The following FAM120C variants were observed in gnomAD, a reference collection of about 807,000 sequenced individuals.
FAM120C encodes constitutive coactivator of PPAR-gamma-like protein 2.
Under a neutral mutation model 71.2 loss-of-function variants are expected in FAM120C, and 14 were observed. The ratio of observed to expected loss-of-function variants is 0.20; its 90% CI spans 0.13 to 0.31. The LOEUF is 0.31. Among genes scored for constraint, FAM120C ranks in the 10% least tolerant of loss-of-function variants. FAM120C has a pLI of 1.00. For missense variants in FAM120C, 500 were observed against 879.0 expected (o/e 0.57, Z 5.45); for synonymous variants, 354 against 353.2 (o/e 1.00, Z -0.03).
chrX:54,104,976 C>T (rs972616921), intron 10 of FAM120C, among the ~76,000 whole-genome samples: 4 of 111,301 alleles, frequency 3.6e-5, no homozygotes, highest in Admixed American at 1.9e-4. Context: ...TTCTATCAGA[C>T]GTACAAAGAG....
At position 54,072,284 on chromosome X, in the gene FAM120C, T is replaced by C. The variant is rs2066714444; in HGVS notation, c.*749A>G. On this transcript the variant is annotated 3_prime_UTR_variant, in exon 16 of 16. Coordinates refer to ENST00000375180, the MANE Select transcript of FAM120C (RefSeq NM_017848.6). Reference sequence around the variant, plus strand: ...TGTGGGCAATAGGGAGTGAATGAACTGTGCCACATCTTCTATTTTACAAAC... The same window carrying C: ...TGTGGGCAATAGGGAGTGAATGAACCGTGCCACATCTTCTATTTTACAAAC... 2 of 108,624 alleles carry C rather than the reference T, an allele frequency of 1.8e-5. No individual in the cohort carries two copies. The highest frequency in any genetic ancestry group is 3.8e-5 in the Non-Finnish European group (2 of 52,379). 9.0% of individuals were successfully genotyped at this position (108,624 alleles called of 1,213,427 possible). A position where few individuals can be genotyped will look rare whatever the true frequency, so the allele number is the denominator to read the frequency against.
rs1478768166 is a variant in FAM120C, at chrX:54,146,459, T to C, written c.1158+4786A>G. On this transcript the variant is annotated intron_variant, in intron 4 of 15. Transcript: ENST00000375180. The stretch of plus-strand genomic sequence containing the variant: ...ATTTTGGGAGGCCAAAACAGGAGGA[T>C]TGCTTGAGCCCAGGAGTTTGAGACC... 3.6e-5 allele frequency among the ~76,000 whole-genome samples: 4 copies of C among 111,296 alleles called. No individual in the cohort carries two copies. The East Asian group carries it at 8.4e-4, about 23-fold the overall frequency.
chrX:54,117,263 G>C (rs1395725151), intron 9 of FAM120C, among the ~76,000 whole-genome samples: 3 of 107,766 alleles, frequency 2.8e-5, no homozygotes, highest in African/African-American at 1.0e-4. Context: ...TGAGGCAGGA[G>C]TATCCCTTGA....
In FAM120C at chrX:54,068,565, T is replaced by A. The variant is rs1385009131; in HGVS notation, c.*4468A>T. 3 of 111,374 alleles carry A rather than the reference T, an allele frequency of 2.7e-5. No individual in the cohort carries two copies. The highest frequency in any genetic ancestry group is 5.6e-5 in the Non-Finnish European group (3 of 53,156). The allele number at this position is 111,374 out of a possible 1,213,427, so 9.2% of individuals were successfully genotyped here. A position where few individuals can be genotyped will look rare whatever the true frequency, so the allele number is the denominator to read the frequency against. On this transcript the variant is annotated 3_prime_UTR_variant, in exon 16 of 16. Transcript: ENST00000375180. ...AGGTGGGCCAAAAAGGCAGGGAATT[T>A]GGAATCTGGGAGTGGGAAAGAGAAA... is the stretch of plus-strand genomic sequence containing the variant.
At chrX:54,116,411 G>A (rs2066968203) in intron 10 of FAM120C, 134 bp downstream of exon 10, 5 of 670,374 alleles carry the variant, frequency 7.5e-6, no homozygotes, top group Admixed American at 4.0e-5. Flanking sequence ...AATCATTTTC[G>A]GTGTTTCTGG....
chrX:54,117,417 G>A (rs1481552918), intron 9 of FAM120C, among the ~76,000 whole-genome samples: 1 of 89,536 alleles, frequency 1.1e-5, no homozygotes, highest in African/African-American at 5.2e-5. Flanking sequence ...AATAAAATAA[G>A]GCCAGGCGTG....
intron 3 of FAM120C, among the ~76,000 whole-genome samples, chrX:54,153,707 A>C (rs1298946687): frequency 2.7e-5 from 3 of 109,984 alleles, no homozygotes; most frequent in Non-Finnish European, 3.8e-5. Flanking sequence ...AGCTGGGATT[A>C]TAGGTGAGCA....
chrX:54,099,623 T>G (rs1557123866), intron 10 of FAM120C, among the ~76,000 whole-genome samples: 1 of 112,375 alleles, frequency 8.9e-6, no homozygotes, highest in East Asian at 2.8e-4. Flanking sequence ...GTCTGACATT[T>G]AAGTCTATGA....
intron 15 of FAM120C, among the ~76,000 whole-genome samples, chrX:54,079,962 A>G (rs1316186129): frequency 4.5e-5 from 5 of 111,589 alleles, no homozygotes; most frequent in Non-Finnish European, 5.6e-5. Context: ...CATGCTGCAC[A>G]TAGTATACTA....
intron 11 of FAM120C, among the ~76,000 whole-genome samples, chrX:54,090,105 G>A (rs1557122470): frequency 9.0e-6 from 1 of 111,298 alleles, no homozygotes; most frequent in Non-Finnish European, 1.9e-5. Context: ...ATGGAACCTA[G>A]TAGGAGGTGT....
chrX:54,086,719 C>T (rs1469335014), intron 12 of FAM120C, among the ~76,000 whole-genome samples: 5 of 91,162 alleles, frequency 5.5e-5, no homozygotes, highest in African/African-American at 2.1e-4. Flanking sequence ...CGTGCCACTG[C>T]ACTCCAGCCT....
intron 1 of FAM120C, among the ~76,000 whole-genome samples, chrX:54,164,835 T>C (rs1465932568): frequency 8.9e-6 from 1 of 112,109 alleles, no homozygotes; most frequent in Non-Finnish European, 1.9e-5. Context: ...ACCTCCATAC[T>C]GTTTTCCACA....
At chrX:54,145,220 A>T (rs1284257241) in intron 4 of FAM120C, among the ~76,000 whole-genome samples, 3 of 112,448 alleles carry the variant, frequency 2.7e-5, no homozygotes, top group Non-Finnish European at 5.6e-5. Context: ...ACCCTAGAAG[A>T]AAACCTAGGC....
chrX:54,173,969 T>C, intron 1 of FAM120C: 1 of 437,203 alleles, frequency 2.3e-6, no homozygotes, highest in Non-Finnish European at 4.1e-6. Flanking sequence ...AAGGCTTGCC[T>C]GGGGAAGGAT....
intron 13 of FAM120C, among the ~76,000 whole-genome samples, chrX:54,085,283 A>G (rs2066788013): frequency 8.9e-6 from 1 of 112,288 alleles, no homozygotes; most frequent in Non-Finnish European, 1.9e-5. Context: ...CAAACTACAT[A>G]GCACAGAATA....
chrX:54,136,192 G>A lies in FAM120C; in HGVS notation c.1258+299C>T, dbSNP rs781874645. On this transcript the variant is annotated intron_variant, in intron 5 of 15. Transcript: ENST00000375180. ...TTTTTGTATTTTTCATAGAGACGGAGTTTCACCATGTTGGCCAGGCTGGTC... is the reference window on the plus strand; with the variant it reads ...TTTTTGTATTTTTCATAGAGACGGAATTTCACCATGTTGGCCAGGCTGGTC... 7.2e-5 allele frequency among the ~76,000 whole-genome samples: 8 copies of A among 111,302 alleles called. 1 individual carries two copies. In the Admixed American group the frequency reaches 7.7e-4, roughly 11 times the overall value.
intron 12 of FAM120C, among the ~76,000 whole-genome samples, chrX:54,086,616 A>G (rs2066795463): frequency 1.8e-5 from 2 of 108,166 alleles, no homozygotes; most frequent in Non-Finnish European, 3.8e-5. Flanking sequence ...TTAGCCAGGC[A>G]TGGTGGCATG....
intron 9 of FAM120C, among the ~76,000 whole-genome samples, chrX:54,129,928 G>A (rs983864392): frequency 3.7e-5 from 4 of 109,458 alleles, no homozygotes; most frequent in Admixed American, 9.7e-5. Flanking sequence ...GCTGAGGCAG[G>A]AGAATCAGGC....
chrX:54,173,327 C>T (rs1229124850), intron 1 of FAM120C, among the ~76,000 whole-genome samples: 2 of 112,480 alleles, frequency 1.8e-5, no homozygotes, highest in Non-Finnish European at 3.7e-5. Context: ...CGGCTCACCA[C>T]AACCTCTGCC....
Sources: allele counts gnomAD v4.1 joint callset (sites outside exome capture counted in the v4.1 genomes callset), GRCh38; gene constraint gnomAD v4.1.1; transcripts MANE v1.5; gene names NCBI Gene and HGNC (gene_info 2026-07-23, HGNC 2026-07-21).